Variants in SPRED1 observed in about 807,000 individuals in gnomAD.
SPRED1 encodes the protein sprouty-related, EVH1 domain-containing protein 1.
Under a neutral mutation model 52.3 loss-of-function variants are expected in SPRED1, and 18 were observed. That is an observed-to-expected ratio of 0.34 (90% CI 0.24 to 0.51). SPRED1 has a LOEUF of 0.51. SPRED1 is among the 20% of genes least tolerant of loss of function. The probability of loss-of-function intolerance (pLI) is 0.97; values close to 1 mark genes in which losing one functional copy is unlikely to be tolerated. For synonymous variants in SPRED1, 155 were observed against 179.7 expected, an observed-to-expected ratio of 0.86 and a Z score of 1.10; for missense variants, 485 against 551.0, an observed-to-expected ratio of 0.88 and a Z score of 1.20.
At chr15:38,309,172 G>C (rs1463274003) in intron 2 of SPRED1, among the ~76,000 whole-genome samples, 1 of 152,060 alleles carries the variant, frequency 6.6e-6, no homozygotes, top group Non-Finnish European at 1.5e-5. Flanking sequence ...GGGTTTTCTT[G>C]TAGATAGCGT....
chr15:38,290,382 A>G (rs1171897720), intron 1 of SPRED1, among the ~76,000 whole-genome samples: 1 of 152,216 alleles, frequency 6.6e-6, no homozygotes, highest in African/African-American at 2.4e-5. Context: ...AGCAGAACCT[A>G]AAATGATTGA....
chr15:38,326,820 A>G (rs567037513), intron 4 of SPRED1, among the ~76,000 whole-genome samples: 1 of 152,314 alleles, frequency 6.6e-6, no homozygotes, highest in Non-Finnish European at 1.5e-5. Context: ...CTACCTTTCA[A>G]TGAAAATAGA....
chr15:38,269,294 G>A (rs1894379261), intron 1 of SPRED1, among the ~76,000 whole-genome samples: 2 of 152,044 alleles, frequency 1.3e-5, no homozygotes, highest in Admixed American at 1.3e-4. Flanking sequence ...ACACAGGCTG[G>A]AGTGCAGTGG....
intron 1 of SPRED1, among the ~76,000 whole-genome samples, chr15:38,269,215 T>C (rs1894377005): frequency 6.6e-6 from 1 of 152,062 alleles, no homozygotes; most frequent in Admixed American, 6.5e-5. Context: ...GTGCTGGGAT[T>C]CCAGGCGTGA....
intron 1 of SPRED1, among the ~76,000 whole-genome samples, chr15:38,295,293 A>G (rs1470658362): frequency 2.0e-5 from 3 of 152,140 alleles, no homozygotes; most frequent in Non-Finnish European, 4.4e-5. Flanking sequence ...TCACACAAAA[A>G]TTTCATAATG....
intron 2 of SPRED1, among the ~76,000 whole-genome samples, chr15:38,299,910 AT>A (rs1235171839): frequency 6.6e-6 from 1 of 152,132 alleles, no homozygotes; most frequent in African/African-American, 2.4e-5. Context: ...TTGTTTTTAT[AT>A]TGTCTGTGAG....
intron 1 of SPRED1, among the ~76,000 whole-genome samples, chr15:38,273,118 G>A (rs993140132): frequency 6.6e-6 from 1 of 152,144 alleles, no homozygotes; most frequent in Non-Finnish European, 1.5e-5. Context: ...GTCCTGAATG[G>A]TGATTTCTAG....
intron 2 of SPRED1, among the ~76,000 whole-genome samples, chr15:38,308,406 C>T (rs1186679219): frequency 1.3e-5 from 2 of 152,128 alleles, no homozygotes; most frequent in Non-Finnish European, 2.9e-5. Flanking sequence ...TAAGTCTGTA[C>T]AGTTTTATCA....
intron 1 of SPRED1, among the ~76,000 whole-genome samples, chr15:38,290,092 T>G (rs191984525): frequency 4.1e-4 from 63 of 152,332 alleles, no homozygotes; most frequent in African/African-American, 1.4e-3. Context: ...ATAGGATGAT[T>G]TTAAAGTTTT....
At chr15:38,278,616 C>G (rs903447118) in intron 1 of SPRED1, among the ~76,000 whole-genome samples, 5 of 152,136 alleles carry the variant, frequency 3.3e-5, no homozygotes, top group African/African-American at 1.2e-4. Flanking sequence ...TCTATGGATG[C>G]TCAAGTCCAT....
intron 1 of SPRED1, among the ~76,000 whole-genome samples, chr15:38,289,099 A>G (rs551030206): frequency 1.8e-4 from 27 of 152,076 alleles, no homozygotes; most frequent in Non-Finnish European, 3.7e-4. Context: ...AAACCAATGG[A>G]ATTTTTCGCT....
At chr15:38,277,948 T>C (rs1894595194) in intron 1 of SPRED1, among the ~76,000 whole-genome samples, 2 of 152,146 alleles carry the variant, frequency 1.3e-5, no homozygotes, top group Non-Finnish European at 2.9e-5. Flanking sequence ...TGCCTACTTT[T>C]TAATGGGGAT....
chr15:38,317,982 T>C (rs1566865933), intron 2 of SPRED1, among the ~76,000 whole-genome samples: 1 of 152,010 alleles, frequency 6.6e-6, no homozygotes, highest in Non-Finnish European at 1.5e-5. Flanking sequence ...TAATATATTG[T>C]GTCACTTAGA....
intron 4 of SPRED1, among the ~76,000 whole-genome samples, chr15:38,338,704 A>G (rs1225589907): frequency 6.6e-6 from 1 of 152,194 alleles, no homozygotes; most frequent in Non-Finnish European, 1.5e-5. Context: ...GTGTCATAAA[A>G]TAGCATCGGT....
chr15:38,270,804 AT>A (rs146648463), intron 1 of SPRED1, among the ~76,000 whole-genome samples: 1,807 of 152,336 alleles, frequency 0.012, 44 homozygotes, highest in African/African-American at 0.042. Flanking sequence ...AATTAAAAAA[AT>A]GTATGTATGT....
At chr15:38,318,217 A>G (rs1206670021) in intron 2 of SPRED1, among the ~76,000 whole-genome samples, 1 of 152,010 alleles carries the variant, frequency 6.6e-6, no homozygotes, top group Non-Finnish European at 1.5e-5. Context: ...TACATTAAAT[A>G]TATAATGCCA....
At chr15:38,327,095 T>C (rs1264271027) in intron 4 of SPRED1, among the ~76,000 whole-genome samples, 3 of 152,036 alleles carry the variant, frequency 2.0e-5, no homozygotes, top group African/African-American at 7.3e-5. Flanking sequence ...AGAAACGAGA[T>C]TGAGAGAAGC....
chr15:38,283,250 C>T (rs1013835675), intron 1 of SPRED1, among the ~76,000 whole-genome samples: 1 of 152,174 alleles, frequency 6.6e-6, no homozygotes, highest in South Asian at 2.1e-4. Context: ...ATATAACCAT[C>T]AGATCTCGTG....
intron 4 of SPRED1, among the ~76,000 whole-genome samples, chr15:38,337,965 C>G (rs551193365): frequency 6.7e-6 from 1 of 148,262 alleles, no homozygotes; most frequent in East Asian, 2.0e-4. Context: ...CTTTGGGAGG[C>G]CGAGGCGGGT....
Sources: allele counts gnomAD v4.1 joint callset (sites outside exome capture counted in the v4.1 genomes callset), GRCh38; gene constraint gnomAD v4.1.1; transcripts MANE v1.5; gene names NCBI Gene and HGNC (gene_info 2026-07-23, HGNC 2026-07-21).